HTRA2: variants seen among roughly 807,000 people sequenced by gnomAD.
HTRA2 encodes the protein HtrA serine peptidase 2.
Under a neutral mutation model 42.2 loss-of-function variants are expected in HTRA2, and 24 were observed. The observed-to-expected ratio is 0.57, with a 90% CI of 0.41 to 0.80. The LOEUF (loss-of-function observed/expected upper bound fraction) is 0.80, where lower values mean the gene tolerates loss of function less well. HTRA2 is among the 30% of genes least tolerant of loss of function. The pLI is 0.00. For synonymous variants in HTRA2, 245 were observed against 255.8 expected, an observed-to-expected ratio of 0.96 and a Z score of 0.40; for missense variants, 466 against 613.5, an observed-to-expected ratio of 0.76 and a Z score of 2.54.
At position 74,531,895 on chromosome 2, in the gene HTRA2, T is replaced by C. The variant is rs748897152; in HGVS notation, c.1085T>C (p.Ile362Thr). 1.2e-5 allele frequency: 20 copies of C among 1,613,946 alleles called. No homozygotes were observed. The highest frequency in any genetic ancestry group is 2.7e-5 in the African/African-American group (2 of 74,878). Residue 362 changes from isoleucine to threonine, a missense_variant, in exon 6 of 8, where the codon ATT becomes ACT. Transcript: ENST00000258080. ...SGISGSQRRY[I>T]GVMMLTLSPS... The stretch of plus-strand genomic sequence containing the variant: ...ATCAGTGGGTCCCAGCGGCGCTACA[T>C]TGGGGTGATGATGCTGACCCTGAGT...
upstream of HTRA2, chr2:74,529,730 G>A (rs988529167): frequency 2.0e-6 from 3 of 1,522,534 alleles, no homozygotes; most frequent in Non-Finnish European, 1.8e-6. Context: ...ATCCGCCCGG[G>A]GTGAGGGGAC....
At position 74,530,139 on chromosome 2, in the gene HTRA2, G is replaced by A; in HGVS notation, c.133G>A (p.Asp45Asn). Residue 45 changes from aspartate (D) to asparagine (N), a missense_variant, in exon 1 of 8, where the codon GAC becomes AAC. Asp to Asn is a conservative substitution (Grantham distance 23). Coordinates refer to ENST00000258080, the MANE Select transcript of HTRA2 (RefSeq NM_013247.5). This position sits in a 1 kb window ranked among gnomAD's most constrained non-coding sequence, Gnocchi z 7.4. ...GGCCCTGCTGACGTCAGGAACTTCT[G>A]ACCCCCGGGCCCGAGTGACTTATGG... is the stretch of plus-strand genomic sequence containing the variant. ...LRALLTSGTS[D>N]PRARVTYGTP... 6.2e-7 allele frequency: 1 copy of A among 1,612,200 alleles called. No individual in the cohort carries two copies. The highest frequency in any genetic ancestry group is 8.5e-7 in the Non-Finnish European group (1 of 1,179,290).
chr2:74,529,418 A>G, upstream of HTRA2: 2 of 1,592,920 alleles, frequency 1.3e-6, no homozygotes, highest in African/African-American at 1.3e-5. Context: ...GGATCCCGAG[A>G]AAGAGGCGCA....
Position 74,530,458 on chromosome 2 carries a change from CA to C in HTRA2, c.453del (p.Asp152MetfsTer57). 1 of 1,607,018 alleles carries C rather than the reference CA, an allele frequency of 6.2e-7. No individual in the cohort carries two copies. Among genetic ancestry groups the C allele is most frequent in the Non-Finnish European group, 8.5e-7 (1 of 1,179,912 alleles). ...ASPRSQYNFI[A>X]DVVEKTAPAV... ...CCCCGGAGTCAGTACAACTTCATCG[CA>C]GATGTGGTGGAGAAGACAGCACCTG... is the stretch of plus-strand genomic sequence containing the variant. On this transcript the variant is annotated frameshift_variant, in exon 1 of 8. Coordinates refer to ENST00000258080, the MANE Select transcript of HTRA2 (RefSeq NM_013247.5). LOFTEE classifies it high-confidence loss of function. The surrounding 1 kb of genome is among the most constrained non-coding windows in gnomAD (Gnocchi z 7.4).
Position 74,530,033 on chromosome 2 carries a change from T to A in HTRA2, c.27T>A (p.Gly9=). ...TGGCTGCGCCGAGGGCGGGGCGGGG[T>A]GCAGGCTGGAGCCTTCGGGCATGGC... is the stretch of plus-strand genomic sequence containing the variant. The part of the protein sequence containing the change: MAAPRAGR[G]AGWSLRAWRA... The change falls in exon 1 of 8, where the codon GGT becomes GGA. Residue 9 remains glycine, a synonymous_variant. Coordinates refer to ENST00000258080, the MANE Select transcript of HTRA2 (RefSeq NM_013247.5). The surrounding 1 kb of genome is among the most constrained non-coding windows in gnomAD (Gnocchi z 7.4). 6.4e-7 allele frequency: 1 copy of A among 1,554,022 alleles called. No individual in the cohort carries two copies. The highest frequency in any genetic ancestry group is 8.7e-7 in the Non-Finnish European group (1 of 1,144,184).
chr2:74,529,431 A>T, upstream of HTRA2: 1 of 1,580,568 alleles, frequency 6.3e-7, no homozygotes, highest in Non-Finnish European at 8.6e-7. Context: ...GAGGCGCAGG[A>T]CGAGGAGGCA....
chr2:74,533,105 C>A lies in HTRA2; in HGVS notation c.*120C>A. 1.2e-6 allele frequency: 1 copy of A among 821,144 alleles called. No homozygotes were observed. The allele number at this position is 821,144 out of a possible 1,614,324, so 50.9% of individuals were successfully genotyped here. On this transcript the variant is annotated 3_prime_UTR_variant, in exon 8 of 8. Transcript: ENST00000258080. ...CAGTGGGGGCAGGTCCCTCCAACCA[C>A]CAGCACTGACTCCTGGGCTCTGAAG...
intron 6 of HTRA2, among the ~76,000 whole-genome samples, chr2:74,532,150 C>A (rs866776016): frequency 2.0e-5 from 3 of 152,098 alleles, no homozygotes; most frequent in Non-Finnish European, 4.4e-5. Context: ...TGATTTCAAG[C>A]CTTCAATCCA....
rs201936888 is a variant in HTRA2, at chr2:74,531,320, T to G, written c.907-19T>G. ...TTAGAATCCCCAGATCTCTTTCATG[T>G]TTTCTCCTTGTCCTACAGTTTGGAA... On this transcript the variant is annotated intron_variant, in intron 3 of 7. Coordinates refer to ENST00000258080, the MANE Select transcript of HTRA2 (RefSeq NM_013247.5). 249 of 1,613,610 alleles carry G rather than the reference T, an allele frequency of 1.5e-4. No homozygotes were observed. Among genetic ancestry groups the G allele is most frequent in the Non-Finnish European group, 1.9e-4 (222 of 1,179,544 alleles).
chr2:74,531,402 C>G, intron 4 of HTRA2, 31 bp downstream of exon 4: 1 of 1,613,390 alleles, frequency 6.2e-7, no homozygotes, highest in Non-Finnish European at 8.5e-7. Flanking sequence ...TCCAAGAATC[C>G]CTGCCCCAGG....
upstream of HTRA2, chr2:74,529,689 A>G (rs1231510798): frequency 2.3e-5 from 36 of 1,539,686 alleles, no homozygotes; most frequent in Admixed American, 1.4e-4. Flanking sequence ...GCCCGGCCGC[A>G]GGGGCTCTTG....
chr2:74,530,094 C>A lies in HTRA2; in HGVS notation c.88C>A (p.Arg30Ser), dbSNP rs1438420513. The A allele has an allele frequency of 6.2e-7, 1 of 1,600,492 alleles. No individual in the cohort carries two copies. The highest frequency in any genetic ancestry group is 8.5e-7 in the Non-Finnish European group (1 of 1,169,816). Residue 30 changes from arginine to serine, a missense_variant, in exon 1 of 8, where the codon CGT (arginine) becomes AGT (serine). Physicochemically the swap from Arg to Ser is moderately radical, Grantham distance 110. Coordinates refer to ENST00000258080, the MANE Select transcript of HTRA2 (RefSeq NM_013247.5). This position sits in a 1 kb window ranked among gnomAD's most constrained non-coding sequence, Gnocchi z 7.4. The stretch of plus-strand genomic sequence containing the variant: ...GGGCATTCGCTGGGGGAGGAGACCC[C>A]GTTTGACCCCTGACCTCCGGGCCCT... ...LGGIRWGRRP[R>S]LTPDLRALLT... is the part of the protein sequence containing the mutation.
In HTRA2 at chr2:74,530,345, T is replaced by G; in HGVS notation, c.339T>G (p.Ala113=). 6.3e-7 allele frequency: 1 copy of G among 1,590,736 alleles called. No individual in the cohort carries two copies. Among genetic ancestry groups the G allele is most frequent in the South Asian group, 1.1e-5 (1 of 89,330 alleles). ...SRAWLAVALG[A]GGAVLLLLWG... The stretch of plus-strand genomic sequence containing the variant: ...CGTGGCTGGCGGTGGCGCTGGGCGC[T>G]GGGGGGGCAGTGCTGTTGTTGTTGT... Residue 113 remains alanine (A), a synonymous_variant, in exon 1 of 8, where the codon GCT becomes GCG. Transcript: ENST00000258080. The surrounding 1 kb of genome is among the most constrained non-coding windows in gnomAD (Gnocchi z 7.4).
In HTRA2 at chr2:74,530,158, C is replaced by T; in HGVS notation, c.152C>T (p.Thr51Ile). The T allele has an allele frequency of 6.2e-7, 1 of 1,612,534 alleles. No individual in the cohort carries two copies. The highest frequency in any genetic ancestry group is 2.2e-5 in the East Asian group (1 of 44,868). The change falls in exon 1 of 8, where the codon ACT becomes ATT. Residue 51 changes from threonine (T) to isoleucine (I), a missense_variant. Physicochemically the swap from Thr to Ile is moderately conservative, Grantham distance 89. This residue lies in a region of HTRA2 where 222 missense variants were observed against 205.1 expected (regional missense o/e 1.08). Transcript: ENST00000258080. The surrounding 1 kb of genome is among the most constrained non-coding windows in gnomAD (Gnocchi z 7.4). Reference protein sequence around the residue: ...SGTSDPRARVTYGTPSLWARL... With the variant: ...SGTSDPRARVIYGTPSLWARL... ...ACTTCTGACCCCCGGGCCCGAGTGA[C>T]TTATGGGACCCCCAGTCTCTGGGCC...
At chr2:74,529,449 A>G, upstream of HTRA2, 1 of 1,568,258 alleles carries the variant, frequency 6.4e-7, no homozygotes, top group Admixed American at 1.9e-5. Context: ...GCAGAACCCG[A>G]CTGGCGCGTA....
Position 74,531,601 on chromosome 2 carries a change from G to T in HTRA2, c.944G>T (p.Gly315Val). The change falls in exon 5 of 8, where the codon GGG becomes GTG. Residue 315 changes from glycine to valine, a missense_variant. By Grantham distance (109) the Gly-to-Val change is moderately radical. This residue lies in a region of HTRA2 where 115 missense variants were observed against 245.4 expected (regional missense o/e 0.47). Coordinates refer to ENST00000258080, the MANE Select transcript of HTRA2 (RefSeq NM_013247.5). ...CTGGGGGCTGTATCCCTGCAGGATGGGGAGGTGATTGGAGTGAACACCATG... is the reference window on the plus strand; with the variant it reads ...CTGGGGGCTGTATCCCTGCAGGATGTGGAGGTGATTGGAGTGAACACCATG... ...NSGGPLVNLDGEVIGVNTMKV... is the reference protein window; with the variant it reads ...NSGGPLVNLDVEVIGVNTMKV... The T allele has an allele frequency of 6.2e-7, 1 of 1,614,208 alleles. No homozygotes were observed. The highest frequency in any genetic ancestry group is 1.1e-5 in the South Asian group (1 of 91,072).
Position 74,531,869 on chromosome 2 carries a change from A to G in HTRA2, c.1059A>G (p.Gly353=). Residue 353 remains glycine (G), a synonymous_variant, in exon 6 of 8, where the codon GGA becomes GGG. Transcript: ENST00000258080. ...HRGEKKNSSS[G]ISGSQRRYIG... ...CCTCTGTCACAGATTCCTCCTCCGG[A>G]ATCAGTGGGTCCCAGCGGCGCTACA... 6.2e-7 allele frequency: 1 copy of G among 1,613,990 alleles called. No homozygotes were observed. Among genetic ancestry groups the G allele is most frequent in the Non-Finnish European group, 8.5e-7 (1 of 1,180,022 alleles).
At position 74,531,450 on chromosome 2, in the gene HTRA2, T is replaced by C. The variant is rs779195139; in HGVS notation, c.939+79T>C. Reference sequence around the variant, plus strand: ...GGGTAGGTTTCCCCTAATTCAAGGATGTTTGGTCAAGTTTCTGAGCAGTTC... The same window carrying C: ...GGGTAGGTTTCCCCTAATTCAAGGACGTTTGGTCAAGTTTCTGAGCAGTTC... On this transcript the variant is annotated intron_variant, in intron 4 of 7. Transcript: ENST00000258080. The C allele has an allele frequency of 9.3e-6, 15 of 1,606,306 alleles. No individual in the cohort carries two copies. The Admixed American group carries it at 2.5e-4, about 27-fold the overall frequency.
chr2:74,532,559 G>A, intron 6 of HTRA2, 60 bp from the exon 7 acceptor site: 1 of 1,313,132 alleles, frequency 7.6e-7, no homozygotes, highest in Non-Finnish European at 1.1e-6. Flanking sequence ...GACTTGAGGT[G>A]GAACTCAGGA....
Sources: gnomAD v4.1 joint callset for allele counts (sites outside exome capture counted in the v4.1 genomes callset) on GRCh38, gnomAD v4.1.1 for gene constraint, gnomAD v4.1.1 regional missense constraint, Gnocchi (gnomAD v3.1) non-coding constraint, MANE v1.5 for transcripts, NCBI Gene and HGNC (gene_info 2026-07-23, HGNC 2026-07-21) for gene names.